Variants in ZBTB40 observed in about 807,000 individuals in gnomAD.
The protein encoded by ZBTB40 is zinc finger and BTB domain containing 40.
In ZBTB40, 60 loss-of-function variants were observed where a neutral mutation model predicts 117.5. The observed-to-expected ratio is 0.51, with a 90% confidence interval of 0.41 to 0.63. The LOEUF (loss-of-function observed/expected upper bound fraction) is 0.63. Ranked by LOEUF, ZBTB40 falls within the 30% of genes least tolerant of loss-of-function variation. ZBTB40 has a pLI of 0.00. For missense variants in ZBTB40, 1,287 were observed against 1,498.5 expected (o/e 0.86, Z 2.33); for synonymous variants, 525 against 577.1 (o/e 0.91, Z 1.29).
chr1:22,449,121 A>G (rs1398969040), upstream of ZBTB40, among the ~76,000 whole-genome samples: 1 of 152,002 alleles, frequency 6.6e-6, no homozygotes, highest in African/African-American at 2.4e-5. Flanking sequence ...GCCGGTTGTT[A>G]TTTCTTACTA....
chr1:22,456,065 G>T (rs1640997882), intron 1 of ZBTB40, among the ~76,000 whole-genome samples: 1 of 152,106 alleles, frequency 6.6e-6, no homozygotes, highest in Admixed American at 6.5e-5. Context: ...ATTGAATTGG[G>T]ATATATGGTT....
At chr1:22,454,068 A>G (rs779056893) in intron 1 of ZBTB40, among the ~76,000 whole-genome samples, 4 of 151,542 alleles carry the variant, frequency 2.6e-5, no homozygotes, top group East Asian at 1.9e-4. Flanking sequence ...TTCTGCCTCA[A>G]CCTCCTGAAT....
intron 1 of ZBTB40, among the ~76,000 whole-genome samples, chr1:22,477,522 G>C (rs1363452509): frequency 2.0e-5 from 3 of 151,918 alleles, no homozygotes. Context: ...GGTGGCACGC[G>C]CCTGTAGTCC....
intron 1 of ZBTB40, among the ~76,000 whole-genome samples, chr1:22,469,563 G>GT (rs925400956): frequency 1.5e-4 from 22 of 150,796 alleles, no homozygotes; most frequent in African/African-American, 2.2e-4. Context: ...TTTGTTTTTT[G>GT]TTTTTTTTTA....
At chr1:22,498,398 C>T (rs541964427) in intron 3 of ZBTB40, among the ~76,000 whole-genome samples, 8 of 152,258 alleles carry the variant, frequency 5.3e-5, no homozygotes, top group Middle Eastern at 3.4e-3. Context: ...TTTTCCACTG[C>T]GGAGCCCTAG....
At chr1:22,435,038 C>T (rs1640652121) in intron 1 of ZBTB40, among the ~76,000 whole-genome samples, 1 of 148,502 alleles carries the variant, frequency 6.7e-6, no homozygotes, top group South Asian at 2.1e-4. Context: ...TTTTTTTAGA[C>T]AGCATCTCAC....
chr1:22,499,272 G>C (rs901325295), intron 3 of ZBTB40, among the ~76,000 whole-genome samples: 8 of 152,204 alleles, frequency 5.3e-5, no homozygotes, highest in African/African-American at 1.7e-4. Context: ...ATCTCACAGA[G>C]CAAGGGCAGA....
intron 10 of ZBTB40, 119 bp from the exon 11 acceptor site, chr1:22,511,557 A>ATT: frequency 7.8e-7 from 1 of 1,276,936 alleles, no homozygotes; most frequent in Non-Finnish European, 1.1e-6. Context: ...ATATTACTTC[A>ATT]GAGTGTTTTT....
At position 22,529,081 on chromosome 1, in the gene ZBTB40, T is replaced by C. The variant is rs1044735845; in HGVS notation, c.*2685T>C. 6.6e-6 allele frequency: 1 copy of C among 152,346 alleles called. No individual in the cohort carries two copies. The highest frequency in any genetic ancestry group is 6.5e-5 in the Admixed American group (1 of 15,284). 9.4% of individuals were successfully genotyped at this position (152,346 alleles called of 1,614,324 possible). On this transcript the variant is annotated 3_prime_UTR_variant, in exon 18 of 18. Coordinates refer to ENST00000375647, the MANE Select transcript of ZBTB40 (RefSeq NM_014870.4). The stretch of plus-strand genomic sequence containing the variant: ...CACTGGCTGACTGATTTTATAGTCT[T>C]GCTCTCTAGAGAAGCCCAGGCATGG...
At chr1:22,429,279 G>A (rs1557467544) in intron 1 of ZBTB40, among the ~76,000 whole-genome samples, 1 of 152,126 alleles carries the variant, frequency 6.6e-6, no homozygotes. Context: ...CTACTCGGGA[G>A]GCTGAGGCAG....
chr1:22,481,084 G>C (rs368892582), intron 1 of ZBTB40, among the ~76,000 whole-genome samples: 9 of 152,080 alleles, frequency 5.9e-5, no homozygotes, highest in African/African-American at 2.2e-4. Flanking sequence ...CCCACTTACT[G>C]TTCTAGCTTT....
rs200706170 is a variant in ZBTB40, at chr1:22,511,743, C to A, written c.2070C>A (p.Ala690=). Residue 690 remains alanine, a synonymous_variant, in exon 11 of 18, where the codon GCC becomes GCA. Transcript: ENST00000375647. ...WKVSNKFHLE[A]NNKEDEKAAK... Reference sequence around the variant, plus strand: ...TGAGTAATAAATTTCACCTTGAAGCCAACAACAAAGAAGATGAAAAGGCAG... The same window carrying A: ...TGAGTAATAAATTTCACCTTGAAGCAAACAACAAAGAAGATGAAAAGGCAG... 4 of 1,608,040 alleles carry A rather than the reference C, an allele frequency of 2.5e-6. No individual in the cohort carries two copies. In the Admixed American group the frequency reaches 6.8e-5, roughly 28 times the overall value.
At chr1:22,512,877 T>C (rs1049556719) in intron 11 of ZBTB40, 47 bp from the exon 12 acceptor site, 24 of 1,601,056 alleles carry the variant, frequency 1.5e-5, no homozygotes, top group Non-Finnish European at 2.1e-5. Context: ...TTCCTAACAC[T>C]GATTAGTAGC....
chr1:22,431,632 A>T (rs1197279894), intron 1 of ZBTB40, among the ~76,000 whole-genome samples: 1 of 151,770 alleles, frequency 6.6e-6, no homozygotes, highest in Non-Finnish European at 1.5e-5. Flanking sequence ...GCTACTCGGG[A>T]GGCTGAGGCA....
At chr1:22,483,575 C>A (rs1337430391) in intron 1 of ZBTB40, among the ~76,000 whole-genome samples, 1 of 152,170 alleles carries the variant, frequency 6.6e-6, no homozygotes, top group Non-Finnish European at 1.5e-5. Context: ...TATTTGTCAT[C>A]TGCATATCTT....
At position 22,526,323 on chromosome 1, in the gene ZBTB40, C is replaced by G. The variant is rs1485210961; in HGVS notation, c.3647C>G (p.Ser1216Cys). The G allele has an allele frequency of 6.2e-7, 1 of 1,614,220 alleles. No homozygotes were observed. Among genetic ancestry groups the G allele is most frequent in the Non-Finnish European group, 8.5e-7 (1 of 1,180,044 alleles). ...LPDSQASQASSELVAVTVEDL... is the reference protein window; with the variant it reads ...LPDSQASQASCELVAVTVEDL... Reference sequence around the variant, plus strand: ...GATTCTCAGGCATCTCAGGCCAGCTCTGAGCTCGTGGCGGTGACTGTGGAG... The same window carrying G: ...GATTCTCAGGCATCTCAGGCCAGCTGTGAGCTCGTGGCGGTGACTGTGGAG... Residue 1216 changes from serine to cysteine, a missense_variant, in exon 18 of 18, where the codon TCT becomes TGT. Coordinates refer to ENST00000375647, the MANE Select transcript of ZBTB40 (RefSeq NM_014870.4).
intron 5 of ZBTB40, among the ~76,000 whole-genome samples, chr1:22,505,806 A>G (rs185845625): frequency 1.3e-5 from 2 of 152,384 alleles, no homozygotes; most frequent in East Asian, 3.9e-4. Flanking sequence ...GAGGCAGAGC[A>G]GATACACAGA....
At chr1:22,486,618 C>T (rs892828761) in intron 1 of ZBTB40, among the ~76,000 whole-genome samples, 47 of 152,326 alleles carry the variant, frequency 3.1e-4, no homozygotes, top group African/African-American at 1.1e-3. Context: ...GAGTTTTTAA[C>T]TCTCAGAGTT....
At position 22,476,756 on chromosome 1, in the gene ZBTB40, A is replaced by G. The variant is rs535455379; in HGVS notation, c.-69-13124A>G. ...CTTTAATATTGTTCCTTTGAGGAAC[A>G]TTCATCTTTCTGGTACTCTTCTGTT... On this transcript the variant is annotated intron_variant, in intron 1 of 17. Coordinates refer to ENST00000375647, the MANE Select transcript of ZBTB40 (RefSeq NM_014870.4). Among the ~76,000 whole-genome samples the G allele has an allele frequency of 2.0e-5, 3 of 152,150 alleles. No homozygotes were observed. In the South Asian group the frequency reaches 6.2e-4, roughly 32 times the overall value.
Sources: allele counts gnomAD v4.1 joint callset (sites outside exome capture counted in the v4.1 genomes callset), GRCh38; gene constraint gnomAD v4.1.1; transcripts MANE v1.5; gene names NCBI Gene and HGNC (gene_info 2026-07-23, HGNC 2026-07-21).